The following PRICKLE2 variants were observed in gnomAD, a reference collection of about 807,000 sequenced individuals.
PRICKLE2 encodes prickle-like protein 2.
PRICKLE2 carries 21 observed loss-of-function variants against 81.4 expected under a neutral mutation model. That is an observed-to-expected ratio of 0.26 (90% CI 0.18 to 0.37). The LOEUF is 0.37. Among genes scored for constraint, PRICKLE2 ranks in the 10% least tolerant of loss-of-function variants. The pLI is 1.00. For missense variants in PRICKLE2, 940 were observed against 1,109.0 expected (o/e 0.85, Z 2.16); for synonymous variants, 456 against 421.5 (o/e 1.08, Z -1.00).
intron 2 of PRICKLE2, among the ~76,000 whole-genome samples, chr3:64,265,385 C>T (rs1226063198): frequency 6.6e-6 from 1 of 152,174 alleles, no homozygotes; most frequent in Non-Finnish European, 1.5e-5. Flanking sequence ...ATTCCCTCTG[C>T]TTCCTCTCAT....
chr3:64,233,681 T>G (rs1178083490), intron 2 of PRICKLE2, among the ~76,000 whole-genome samples: 1 of 152,248 alleles, frequency 6.6e-6, no homozygotes, highest in Non-Finnish European at 1.5e-5. Context: ...CCTTAGATCC[T>G]TTTAAGAAGA....
In PRICKLE2 at chr3:64,146,946, G is replaced by T; in HGVS notation, c.1544C>A (p.Thr515Asn). The T allele has an allele frequency of 1.2e-6, 2 of 1,614,172 alleles. No homozygotes were observed. The highest frequency in any genetic ancestry group is 1.7e-6 in the Non-Finnish European group (2 of 1,180,028). ...GGGATGACGGGTCCGACACTGCTGA[G>T]TGGACAAGCCCCCTTCCTCTTCCTC... Reference protein sequence around the residue: ...EEEEEEGGLSTQQCRTRHPIS... With the variant: ...EEEEEEGGLSNQQCRTRHPIS... Residue 515 changes from threonine to asparagine, a missense_variant, in exon 7 of 8, where the codon ACT (threonine) becomes AAT (asparagine). This residue lies in a region of PRICKLE2 where 670 missense variants were observed against 717.2 expected (regional missense o/e 0.93). Coordinates refer to ENST00000638394, the MANE Select transcript of PRICKLE2 (RefSeq NM_198859.4).
intron 1 of PRICKLE2, among the ~76,000 whole-genome samples, chr3:64,211,385 T>C (rs2078783271): frequency 1.3e-5 from 2 of 152,200 alleles, no homozygotes; most frequent in Admixed American, 6.5e-5. Flanking sequence ...CAGCCAGAAA[T>C]AGCTAGACCA....
chr3:64,132,740 T>G (rs555815042), intron 7 of PRICKLE2, among the ~76,000 whole-genome samples: 48 of 152,352 alleles, frequency 3.2e-4, no homozygotes, highest in African/African-American at 1.1e-3. Context: ...TGGCTGGGGT[T>G]GAGGGTAGAT....
Position 64,166,436 on chromosome 3 carries a change from T to G in PRICKLE2, c.145-3307A>C, listed in dbSNP as rs17070034. Among the ~76,000 whole-genome samples, 1,097 of 152,228 alleles carry G rather than the reference T, an allele frequency of 7.2e-3. 13 individuals are homozygous for G. Among genetic ancestry groups the G allele is most frequent in the African/African-American group, 0.025 (1,018 of 41,544 alleles). ...AGTGATGGAGGACTCTGGAGAAACT[T>G]AGGAGTAAATAAGTCCCTTGGTGTG... On this transcript the variant is annotated intron_variant, in intron 2 of 7. Transcript: ENST00000638394.
At chr3:64,266,472 T>C (rs2079710587) in intron 2 of PRICKLE2, among the ~76,000 whole-genome samples, 1 of 152,162 alleles carries the variant, frequency 6.6e-6, no homozygotes, top group Admixed American at 6.5e-5. Context: ...GAACACAGGA[T>C]CATTTTTATA....
At chr3:64,216,215 C>A (rs1189920534) in intron 1 of PRICKLE2, among the ~76,000 whole-genome samples, 1 of 152,232 alleles carries the variant, frequency 6.6e-6, no homozygotes, top group African/African-American at 2.4e-5. Flanking sequence ...AACCTACCAG[C>A]CAACTTAGCA....
At chr3:64,125,506 C>T (rs1260294315) in intron 7 of PRICKLE2, among the ~76,000 whole-genome samples, 1 of 152,158 alleles carries the variant, frequency 6.6e-6, no homozygotes, top group Non-Finnish European at 1.5e-5. Context: ...TTGGAAATTG[C>T]CACAGCCAAG....
intron 2 of PRICKLE2, among the ~76,000 whole-genome samples, chr3:64,189,110 A>G (rs187771802): frequency 6.6e-6 from 1 of 152,330 alleles, no homozygotes; most frequent in Admixed American, 6.5e-5. Flanking sequence ...TGCTGAATGA[A>G]TGTCACTATT....
At chr3:64,144,273 C>A (rs1228057815) in intron 7 of PRICKLE2, among the ~76,000 whole-genome samples, 1 of 152,256 alleles carries the variant, frequency 6.6e-6, no homozygotes, top group African/African-American at 2.4e-5. Flanking sequence ...TGCTCTACCA[C>A]TCTGAAAGCT....
intron 7 of PRICKLE2, among the ~76,000 whole-genome samples, chr3:64,104,930 G>T (rs928385990): frequency 9.9e-5 from 15 of 152,186 alleles, no homozygotes; most frequent in Non-Finnish European, 1.9e-4. Context: ...TCTAGAAAGG[G>T]TAGTTCTGTG....
chr3:64,160,015 C>T lies in PRICKLE2; in HGVS notation c.321G>A (p.Gln107=). The T allele has an allele frequency of 1.2e-6, 2 of 1,614,194 alleles. No individual in the cohort carries two copies. The highest frequency in any genetic ancestry group is 1.1e-5 in the South Asian group (1 of 91,084). The change falls in exon 4 of 8, where the codon CAG becomes CAA. Residue 107 remains glutamine (Q), a synonymous_variant. Coordinates refer to ENST00000638394, the MANE Select transcript of PRICKLE2 (RefSeq NM_198859.4). ...CGCGGCCCAAGTTTTCGCGTTTCCT[C>T]TGGCTGCTGAAAAGCTTCAGCTCCC... is the stretch of plus-strand genomic sequence containing the variant. ...EKRELKLFSS[Q]RKRENLGRGN...
At chr3:64,160,178 G>A in intron 3 of PRICKLE2, 101 bp from the exon 4 acceptor site, 1 of 1,318,360 alleles carries the variant, frequency 7.6e-7, no homozygotes, top group Non-Finnish European at 1.1e-6. Context: ...ACTCTCATTT[G>A]GTTTTATAGC....
At chr3:64,195,590 T>C (rs568891249) in intron 2 of PRICKLE2, among the ~76,000 whole-genome samples, 59 of 152,328 alleles carry the variant, frequency 3.9e-4, no homozygotes, top group African/African-American at 1.3e-3. Flanking sequence ...CTCAGACAGC[T>C]AATATGATAT....
At chr3:64,159,127 G>GA (rs2077687624) in intron 4 of PRICKLE2, among the ~76,000 whole-genome samples, 1 of 152,162 alleles carries the variant, frequency 6.6e-6, no homozygotes, top group Admixed American at 6.5e-5. Flanking sequence ...AACAGGAGCA[G>GA]AGGAGACAGG....
At position 64,099,783 on chromosome 3, in the gene PRICKLE2, G is replaced by A. The variant is rs1431593729; in HGVS notation, c.1803C>T (p.Ser601=). Residue 601 remains serine (S), a synonymous_variant, in exon 8 of 8, where the codon AGC becomes AGT. Coordinates refer to ENST00000638394, the MANE Select transcript of PRICKLE2 (RefSeq NM_198859.4). This position sits in a 1 kb window ranked among gnomAD's most constrained non-coding sequence, Gnocchi z 4.3. ...AGAGCAGGCTGCGAACTGACTCTGC[G>A]CTCCGGAACTGCATGGACGAGTTAA... is the stretch of plus-strand genomic sequence containing the variant. The part of the protein sequence containing the change: ...GTLNSSMQFR[S]AESVRSLLSA... The A allele has an allele frequency of 8.1e-6, 13 of 1,614,058 alleles. No individual in the cohort carries two copies. In the African/African-American group the frequency reaches 1.6e-4, roughly 20 times the overall value.
chr3:64,178,300 T>C (rs1269848909), intron 2 of PRICKLE2, among the ~76,000 whole-genome samples: 2 of 152,216 alleles, frequency 1.3e-5, no homozygotes, highest in African/African-American at 2.4e-5. Context: ...ATCTATACCA[T>C]GATTTTATTT....
At chr3:64,200,818 T>C (rs142327191) in intron 1 of PRICKLE2, 8,345 of 152,212 alleles carry the variant, frequency 0.055, 320 homozygotes, top group Non-Finnish European at 0.078. Context: ...GGTTTCACCA[T>C]GTTGGCCAGG....
chr3:64,235,527 C>A (rs944610295), intron 2 of PRICKLE2, among the ~76,000 whole-genome samples: 3 of 152,188 alleles, frequency 2.0e-5, no homozygotes, highest in African/African-American at 7.2e-5. Flanking sequence ...CACCACCACC[C>A]TGCCCCCCTT....
Sources: allele counts gnomAD v4.1 joint callset (sites outside exome capture counted in the v4.1 genomes callset), GRCh38; gene constraint gnomAD v4.1.1; regional missense constraint gnomAD v4.1.1; non-coding constraint Gnocchi (gnomAD v3.1); transcripts MANE v1.5; gene names NCBI Gene and HGNC (gene_info 2026-07-23, HGNC 2026-07-21).